The following HHAT variants were observed in gnomAD, a reference collection of about 807,000 sequenced individuals.
HHAT encodes protein-cysteine N-palmitoyltransferase HHAT.
HHAT carries 47 observed loss-of-function variants against 70.8 expected under a neutral mutation model. The ratio of observed to expected loss-of-function variants is 0.66; its 90% CI spans 0.53 to 0.85. The LOEUF is 0.85. HHAT is among the 40% of genes least tolerant of loss of function. The probability of loss-of-function intolerance (pLI) is 0.00; values close to 1 mark genes in which losing one functional copy is unlikely to be tolerated. For missense variants in HHAT, 609 were observed against 604.8 expected (o/e 1.01, Z -0.07); for synonymous variants, 228 against 247.6 (o/e 0.92, Z 0.74).
intron 9 of HHAT, among the ~76,000 whole-genome samples, chr1:210,563,639 C>T (rs1258868833): frequency 2.6e-5 from 4 of 152,172 alleles, no homozygotes; most frequent in Admixed American, 1.3e-4. Flanking sequence ...AACTGTATGA[C>T]AGATCCAACT....
chr1:210,519,176 A>G (rs2095109734), intron 9 of HHAT, among the ~76,000 whole-genome samples: 1 of 152,174 alleles, frequency 6.6e-6, no homozygotes. Context: ...TTAGTTGGGT[A>G]TGACAAGAGT....
At chr1:210,336,049 T>C (rs2085455128) in intron 1 of HHAT, among the ~76,000 whole-genome samples, 1 of 152,078 alleles carries the variant, frequency 6.6e-6, no homozygotes, top group Admixed American at 6.5e-5. Flanking sequence ...TAAACCATGG[T>C]GGTAGAAGTT....
intron 11 of HHAT, among the ~76,000 whole-genome samples, chr1:210,648,494 A>C (rs1449312632): frequency 1.3e-5 from 2 of 152,172 alleles, no homozygotes; most frequent in African/African-American, 4.8e-5. Context: ...CCGTCTTTGC[A>C]GTATTTGTTT....
Position 210,475,080 on chromosome 1 carries a change from C to T in HHAT, c.1007+10425C>T, listed in dbSNP as rs112461881. 9.0e-3 allele frequency among the ~76,000 whole-genome samples: 1,363 copies of T among 151,796 alleles called. 30 individuals carry two copies. Among genetic ancestry groups the T allele is most frequent in the African/African-American group, 0.031 (1,299 of 41,340 alleles). On this transcript the variant is annotated intron_variant, in intron 8 of 11. Coordinates refer to ENST00000261458, the MANE Select transcript of HHAT (RefSeq NM_018194.6). ...CTCGCTATGCTGCCCACACTGGTCTCGAACTCCTGAGTGCAAGCGATCCAC... is the reference window on the plus strand; with the variant it reads ...CTCGCTATGCTGCCCACACTGGTCTTGAACTCCTGAGTGCAAGCGATCCAC...
chr1:210,541,074 C>T (rs1328222046), intron 9 of HHAT, among the ~76,000 whole-genome samples: 2 of 152,200 alleles, frequency 1.3e-5, no homozygotes, highest in African/African-American at 4.8e-5. Context: ...CTCCTGAGCT[C>T]AGGCAATACG....
chr1:210,433,109 C>T (rs1218732081), intron 7 of HHAT, among the ~76,000 whole-genome samples: 1 of 151,770 alleles, frequency 6.6e-6, no homozygotes, highest in Non-Finnish European at 1.5e-5. Context: ...TCCTTCATCT[C>T]TAAATCTCAG....
At position 210,446,588 on chromosome 1, in the gene HHAT, ATC is replaced by A. The variant is rs2093639686; in HGVS notation, c.857-17914_857-17913del. Among the ~76,000 whole-genome samples the A allele has an allele frequency of 2.0e-5, 3 of 152,110 alleles. 1 individual carries two copies. In the South Asian group the frequency reaches 6.2e-4, roughly 32 times the overall value. On this transcript the variant is annotated intron_variant, in intron 7 of 11. Transcript: ENST00000261458. ...GGTCCGGCACCTGCCACCGTGACTC[ATC>A]TCCTCCCACCCTTGCCCCGGCCTCT...
intron 9 of HHAT, among the ~76,000 whole-genome samples, chr1:210,579,921 T>A (rs1213004037): frequency 6.6e-6 from 1 of 152,228 alleles, no homozygotes; most frequent in Non-Finnish European, 1.5e-5. Flanking sequence ...AAGCTTGGGT[T>A]CATCAGCACA....
At position 210,394,819 on chromosome 1, in the gene HHAT, T is replaced by C. The variant is rs368117234; in HGVS notation, c.274-5649T>C. Among the ~76,000 whole-genome samples the C allele has an allele frequency of 2.3e-4, 35 of 152,260 alleles. 1 individual carries two copies. In the East Asian group the frequency reaches 5.4e-3, roughly 24 times the overall value. ...ATCTATCCACTGAATAGAAATCTCATGTGCTAATGGTTTTCCTGGAATCAG... is the reference window on the plus strand; with the variant it reads ...ATCTATCCACTGAATAGAAATCTCACGTGCTAATGGTTTTCCTGGAATCAG... On this transcript the variant is annotated intron_variant, in intron 4 of 11. Transcript: ENST00000261458.
At chr1:210,327,568 C>T (rs888556917), upstream of HHAT, among the ~76,000 whole-genome samples, 6 of 152,088 alleles carry the variant, frequency 3.9e-5, no homozygotes, top group Non-Finnish European at 8.8e-5. Context: ...TGCAGTGGTG[C>T]GATCTGAGCT....
At chr1:210,483,592 A>G (rs1049110993) in intron 8 of HHAT, among the ~76,000 whole-genome samples, 2 of 125,814 alleles carry the variant, frequency 1.6e-5, no homozygotes, top group African/African-American at 5.6e-5. Flanking sequence ...ATTAGTTTCC[A>G]TTTATGTCTA....
At chr1:210,428,755 T>C (rs2093153993) in intron 7 of HHAT, among the ~76,000 whole-genome samples, 1 of 151,778 alleles carries the variant, frequency 6.6e-6, no homozygotes, top group Non-Finnish European at 1.5e-5. Context: ...GGCGAGTGGA[T>C]GGCTTGAGTC....
chr1:210,502,972 A>T (rs974656872), intron 8 of HHAT, among the ~76,000 whole-genome samples: 9 of 147,052 alleles, frequency 6.1e-5, no homozygotes, highest in African/African-American at 2.0e-4. Context: ...TACTGAAGAT[A>T]TTTTTTTTTT....
intron 9 of HHAT, among the ~76,000 whole-genome samples, chr1:210,585,362 A>C (rs1660204962): frequency 6.6e-6 from 1 of 152,202 alleles, no homozygotes; most frequent in East Asian, 1.9e-4. Context: ...AGCAGTAAAA[A>C]AAAAATTATT....
chr1:210,594,923 A>G (rs114197820), intron 10 of HHAT, among the ~76,000 whole-genome samples: 1,723 of 151,946 alleles, frequency 0.011, 48 homozygotes, highest in African/African-American at 0.039. Context: ...TGGAGCTGCA[A>G]TGTATGTTAT....
At chr1:210,618,053 C>A (rs900212070) in intron 10 of HHAT, among the ~76,000 whole-genome samples, 10 of 152,110 alleles carry the variant, frequency 6.6e-5, no homozygotes, top group Admixed American at 6.5e-4. Flanking sequence ...ACGGTCCTGC[C>A]CTATCCTTGA....
intron 7 of HHAT, among the ~76,000 whole-genome samples, chr1:210,452,392 A>G (rs2093773464): frequency 6.6e-6 from 1 of 152,166 alleles, no homozygotes; most frequent in Non-Finnish European, 1.5e-5. Context: ...CTTTTAGAAT[A>G]TTGCATTCTG....
chr1:210,430,085 T>G (rs1041820556), intron 7 of HHAT, among the ~76,000 whole-genome samples: 3 of 151,930 alleles, frequency 2.0e-5, no homozygotes, highest in Non-Finnish European at 4.4e-5. Context: ...ATATTTTCCT[T>G]CAATAGTAGT....
intron 10 of HHAT, among the ~76,000 whole-genome samples, chr1:210,615,928 G>A (rs1667628033): frequency 6.6e-6 from 1 of 152,184 alleles, no homozygotes; most frequent in Non-Finnish European, 1.5e-5. Context: ...CAGATCTCAA[G>A]CTGCGTGCTG....
Sources: gnomAD v4.1 joint callset for allele counts (sites outside exome capture counted in the v4.1 genomes callset) on GRCh38, gnomAD v4.1.1 for gene constraint, MANE v1.5 for transcripts, NCBI Gene and HGNC (gene_info 2026-07-23, HGNC 2026-07-21) for gene names.